The following AOPEP variants were observed in gnomAD, a reference collection of about 807,000 sequenced individuals.
AOPEP encodes the protein aminopeptidase O.
Under a neutral mutation model 98.1 loss-of-function variants are expected in AOPEP, and 77 were observed. The ratio of observed to expected loss-of-function variants is 0.78; its 90% confidence interval spans 0.65 to 0.95. The LOEUF is 0.95. Ranked by LOEUF, AOPEP falls within the 40% of genes least tolerant of loss-of-function variation. The pLI is 0.00. For synonymous variants in AOPEP, 346 were observed against 365.3 expected, an observed-to-expected ratio of 0.95 and a Z score of 0.60; for missense variants, 1,024 against 1,024.7, an observed-to-expected ratio of 1.00 and a Z score of 0.01.
chr9:94,775,451 C>G (rs1841879724), intron 3 of AOPEP, among the ~76,000 whole-genome samples: 1 of 151,610 alleles, frequency 6.6e-6, no homozygotes, highest in African/African-American at 2.4e-5. Context: ...CTCACTGCAA[C>G]CTCTGCCTCC....
intron 5 of AOPEP, among the ~76,000 whole-genome samples, chr9:94,840,360 A>G (rs2042132673): frequency 6.6e-6 from 1 of 152,146 alleles, no homozygotes; most frequent in Non-Finnish European, 1.5e-5. Context: ...TTTGATTCTG[A>G]TGTATTATTC....
chr9:94,900,012 G>A (rs903585192), intron 5 of AOPEP, among the ~76,000 whole-genome samples: 1 of 152,164 alleles, frequency 6.6e-6, no homozygotes, highest in Non-Finnish European at 1.5e-5. Flanking sequence ...ATGAGTCTGT[G>A]AGTCATAGTT....
intron 9 of AOPEP, 61 bp downstream of exon 9, chr9:94,956,076 AT>A: frequency 1.0e-6 from 1 of 959,694 alleles, no homozygotes; most frequent in Non-Finnish European, 1.6e-6. Context: ...GCACATGAAG[AT>A]TAGATTATGC....
chr9:94,910,317 A>G (rs543197039), intron 5 of AOPEP, among the ~76,000 whole-genome samples: 2 of 152,274 alleles, frequency 1.3e-5, no homozygotes, highest in Admixed American at 6.5e-5. Flanking sequence ...CCTGCACTCC[A>G]GTGCAGAAGC....
At chr9:94,742,703 G>A (rs1003764353) in intron 1 of AOPEP, among the ~76,000 whole-genome samples, 2 of 152,148 alleles carry the variant, frequency 1.3e-5, no homozygotes, top group Non-Finnish European at 2.9e-5. Flanking sequence ...AAAATGCTGG[G>A]ATTACAGACG....
intron 5 of AOPEP, among the ~76,000 whole-genome samples, chr9:94,902,923 G>A (rs957952195): frequency 5.3e-5 from 8 of 151,678 alleles, no homozygotes; most frequent in Non-Finnish European, 7.4e-5. Flanking sequence ...GTGTGGTGGT[G>A]CATGCCTGTA....
chr9:94,892,222 C>A (rs935224416), intron 5 of AOPEP, among the ~76,000 whole-genome samples: 1 of 152,176 alleles, frequency 6.6e-6, no homozygotes, highest in African/African-American at 2.4e-5. Flanking sequence ...AGGTTTATGT[C>A]TTTTGCCAAA....
rs1282761395 is a variant in AOPEP at position 95,060,747 on chromosome 9, T to C, written c.2169T>C (p.Thr723=). 6.2e-7 allele frequency: 1 copy of C among 1,614,166 alleles called. No homozygotes were observed. Among genetic ancestry groups the C allele is most frequent in the Admixed American group, 1.7e-5 (1 of 60,030 alleles). The change falls in exon 14 of 17, where the codon ACT becomes ACC. Residue 723 remains threonine (T), a synonymous_variant. Transcript: ENST00000375315. ...TGGAGCATCTCTTGGAGCAGAAGAC[T>C]CTGAGCCCCCGAACTCTGCAAAGCC... ...LLLEHLLEQK[T]LSPRTLQSLQ...
rs1207257944 is a variant in AOPEP at position 94,759,995 on chromosome 9, C to T, written c.212C>T (p.Ala71Val). ...GCCTGCCAATCAGAATCAAACAAAG[C>T]CTGCAAATTTGGGATGCCTGAACCC... ...EEACQSESNK[A>V]CKFGMPEPCH... Residue 71 changes from alanine to valine, a missense_variant, in exon 2 of 17, where the codon GCC becomes GTC. Transcript: ENST00000375315. The T allele has an allele frequency of 1.2e-6, 2 of 1,614,176 alleles. No individual in the cohort carries two copies. Among genetic ancestry groups the T allele is most frequent in the Non-Finnish European group, 1.7e-6 (2 of 1,180,040 alleles).
chr9:94,801,184 C>T (rs1244246927), intron 5 of AOPEP, among the ~76,000 whole-genome samples, 182 bp downstream of exon 5: 1 of 152,164 alleles, frequency 6.6e-6, no homozygotes, highest in Non-Finnish European at 1.5e-5. Flanking sequence ...CCCTCATGCA[C>T]GAGCCTTTGA....
chr9:94,811,197 T>G (rs1850506323), intron 5 of AOPEP, among the ~76,000 whole-genome samples: 1 of 152,196 alleles, frequency 6.6e-6, no homozygotes, highest in Non-Finnish European at 1.5e-5. Context: ...GACATTTCAG[T>G]TGTGCCTGCA....
chr9:95,147,248 T>G, the AOPEP span, among the ~76,000 whole-genome samples: 33,876 of 152,144 alleles, frequency 0.22, 4,865 homozygotes, highest in Non-Finnish European at 0.32. Flanking sequence ...GCTGGCGCAG[T>G]GGCTCACGCC....
At chr9:94,730,556 C>T (rs570862712) in intron 1 of AOPEP, among the ~76,000 whole-genome samples, 19 of 152,220 alleles carry the variant, frequency 1.2e-4, no homozygotes, top group South Asian at 4.1e-4. Flanking sequence ...AACTTACATG[C>T]TATTTGAGAA....
intron 6 of AOPEP, among the ~76,000 whole-genome samples, chr9:94,927,117 T>C (rs1238796752): frequency 1.3e-5 from 2 of 152,154 alleles, no homozygotes; most frequent in Non-Finnish European, 2.9e-5. Context: ...GGCTTGCAGG[T>C]GGCCACGAGC....
At chr9:94,828,758 A>G (rs1280351741) in intron 5 of AOPEP, among the ~76,000 whole-genome samples, 1 of 150,692 alleles carries the variant, frequency 6.6e-6, no homozygotes, top group Non-Finnish European at 1.5e-5. Flanking sequence ...CACACACACA[A>G]TATATATATA....
intron 13 of AOPEP, among the ~76,000 whole-genome samples, chr9:95,007,426 A>G (rs1037911898): frequency 3.9e-5 from 6 of 152,100 alleles, no homozygotes; most frequent in African/African-American, 1.4e-4. Flanking sequence ...CAGGAGAATG[A>G]AGTTCTTTGC....
intron 13 of AOPEP, among the ~76,000 whole-genome samples, chr9:95,035,692 A>AT (rs944770341): frequency 4.4e-4 from 66 of 149,804 alleles, no homozygotes; most frequent in Non-Finnish European, 5.8e-4. Flanking sequence ...CTAATTTTGT[A>AT]TTTTTTTTAG....
chr9:95,149,848 A>C, the AOPEP span: 1 of 1,489,134 alleles, frequency 6.7e-7, no homozygotes, highest in African/African-American at 1.4e-5. Context: ...GCTGTCGTAC[A>C]GTCTTTCCAA....
chr9:94,838,133 C>T (rs181113616), intron 5 of AOPEP, among the ~76,000 whole-genome samples: 53 of 152,204 alleles, frequency 3.5e-4, no homozygotes, highest in East Asian at 1.2e-3. Flanking sequence ...CTCAGCCTCC[C>T]GAGTAGCTGG....
Sources: gnomAD v4.1 joint callset for allele counts (sites outside exome capture counted in the v4.1 genomes callset) on GRCh38, gnomAD v4.1.1 for gene constraint, MANE v1.5 for transcripts, NCBI Gene and HGNC (gene_info 2026-07-23, HGNC 2026-07-21) for gene names.